CGGBP1: variants seen among roughly 807,000 people sequenced by gnomAD.
The protein encoded by CGGBP1 is CGG triplet repeat binding protein 1, also known as CGG triplet repeat-binding protein 1.
In CGGBP1, 4 loss-of-function variants were observed where a neutral mutation model predicts 11.4. The ratio of observed to expected loss-of-function variants is 0.35; its 90% CI spans 0.17 to 0.80. CGGBP1 has a LOEUF of 0.80. CGGBP1 is among the 30% of genes least tolerant of loss of function. CGGBP1 has a pLI of 0.52. For synonymous variants in CGGBP1, 76 were observed against 74.1 expected (o/e 1.03, Z -0.13); for missense variants, 135 against 202.1 (o/e 0.67, Z 2.01).
At chr3:88,147,696 G>A (rs533844294) in intron 1 of CGGBP1, among the ~76,000 whole-genome samples, 1 of 152,228 alleles carries the variant, frequency 6.6e-6, no homozygotes, top group East Asian at 1.9e-4. Context: ...TTACTGTATT[G>A]GACAGCAAAA....
chr3:88,128,891 A>C, intron 2 of CGGBP1: 1 of 1,535,716 alleles, frequency 6.5e-7, no homozygotes, highest in Non-Finnish European at 8.7e-7. Flanking sequence ...GCATACCCGA[A>C]GCAATGGCTC....
intron 2 of CGGBP1, among the ~76,000 whole-genome samples, chr3:88,125,457 T>G (rs1576329834): frequency 6.6e-6 from 1 of 152,326 alleles, no homozygotes; most frequent in East Asian, 1.9e-4. Flanking sequence ...AGAAAATGTA[T>G]GGACAAATTC....
intron 1 of CGGBP1, among the ~76,000 whole-genome samples, chr3:88,145,789 A>G (rs1021191382): frequency 7.9e-5 from 12 of 152,176 alleles, no homozygotes; most frequent in African/African-American, 2.9e-4. Flanking sequence ...GGGGGAAGAA[A>G]TGGCTTGTTT....
chr3:88,106,606 G>GTGC (rs1223861950), intron 2 of CGGBP1, among the ~76,000 whole-genome samples: 1 of 152,186 alleles, frequency 6.6e-6, no homozygotes, highest in Non-Finnish European at 1.5e-5. Flanking sequence ...GCCTCCCAGA[G>GTGC]TGCTGGGATT....
chr3:88,069,449 T>C lies in CGGBP1; in HGVS notation c.-228-11226A>G, dbSNP rs1409374692. Among the ~76,000 whole-genome samples, 3 of 152,158 alleles carry C rather than the reference T, an allele frequency of 2.0e-5. No individual in the cohort carries two copies. In the South Asian group the frequency reaches 6.2e-4, roughly 31 times the overall value. On this transcript the variant is annotated intron_variant, in intron 2 of 3. Transcript: ENST00000462901. ...AAAAAAAGAAAGTGATTCTCAACTC[T>C]TAGTCCACCCCCCAACCCACTTGAA...
chr3:88,093,098 A>T (rs1576256402), intron 2 of CGGBP1, among the ~76,000 whole-genome samples: 1 of 152,358 alleles, frequency 6.6e-6, no homozygotes, highest in East Asian at 1.9e-4. Flanking sequence ...TGCTTTGTGC[A>T]TATGGACCTC....
chr3:88,078,065 A>G (rs1576219182), intron 2 of CGGBP1, among the ~76,000 whole-genome samples: 1 of 152,222 alleles, frequency 6.6e-6, no homozygotes, highest in African/African-American at 2.4e-5. Context: ...TGGAATCCCT[A>G]TATTAGCAAG....
At chr3:88,123,472 G>A (rs1268875057) in intron 2 of CGGBP1, among the ~76,000 whole-genome samples, 2 of 152,158 alleles carry the variant, frequency 1.3e-5, no homozygotes, top group Non-Finnish European at 2.9e-5. Context: ...CACTAAGTGT[G>A]GGAGGTGTAA....
intron 2 of CGGBP1, among the ~76,000 whole-genome samples, chr3:88,128,316 A>G (rs1706242445): frequency 1.3e-5 from 2 of 152,124 alleles, no homozygotes; most frequent in African/African-American, 4.8e-5. Flanking sequence ...TTTAAATAAA[A>G]TATATTTTTC....
intron 2 of CGGBP1, among the ~76,000 whole-genome samples, chr3:88,136,936 A>G (rs1013860470): frequency 3.9e-5 from 6 of 152,066 alleles, no homozygotes; most frequent in Non-Finnish European, 8.8e-5. Context: ...GGCTTACACC[A>G]GTAATCCCAG....
chr3:88,116,191 CAG>C (rs1242563309), intron 2 of CGGBP1, among the ~76,000 whole-genome samples: 1 of 152,008 alleles, frequency 6.6e-6, no homozygotes, highest in African/African-American at 2.4e-5. Context: ...GCCTAAAGGA[CAG>C]AAATCCTGAG....
At chr3:88,103,918 C>A (rs538514367) in intron 2 of CGGBP1, among the ~76,000 whole-genome samples, 1 of 151,924 alleles carries the variant, frequency 6.6e-6, no homozygotes, top group South Asian at 2.1e-4. Flanking sequence ...AGGTGCCCGC[C>A]CCTATGCCTG....
chr3:88,109,192 C>T (rs555233226), intron 2 of CGGBP1, among the ~76,000 whole-genome samples: 1 of 129,788 alleles, frequency 7.7e-6, no homozygotes, highest in African/African-American at 2.7e-5. Context: ...TGAAGAAAAC[C>T]GTTAACTTTT....
chr3:88,135,122 G>A, intron 2 of CGGBP1: 2 of 1,482,188 alleles, frequency 1.3e-6, no homozygotes, highest in South Asian at 1.4e-5. Context: ...ACAAGTTTTT[G>A]TAGATCAATG....
intron 2 of CGGBP1, among the ~76,000 whole-genome samples, chr3:88,117,658 A>G (rs1487514211): frequency 6.6e-6 from 1 of 152,218 alleles, no homozygotes; most frequent in African/African-American, 2.4e-5. Flanking sequence ...AGAATCCATT[A>G]ATGTCTAATG....
At chr3:88,066,438 G>A (rs1227082023) in intron 2 of CGGBP1, among the ~76,000 whole-genome samples, 3 of 152,104 alleles carry the variant, frequency 2.0e-5, no homozygotes, top group Non-Finnish European at 4.4e-5. Flanking sequence ...GCTGGGTGTG[G>A]TGGCACACAC....
intron 2 of CGGBP1, among the ~76,000 whole-genome samples, chr3:88,122,132 A>G (rs1252100982): frequency 3.9e-5 from 6 of 152,292 alleles, no homozygotes; most frequent in Middle Eastern, 3.4e-3. Context: ...TAAGGTAGCT[A>G]GTAGAAGCTT....
chr3:88,058,311 C>T (rs1485760525), intron 1 of CGGBP1, 88 bp from the exon 2 acceptor site: 1 of 152,262 alleles, frequency 6.6e-6, no homozygotes, highest in African/African-American at 2.4e-5. Flanking sequence ...CAACAACTGC[C>T]ACCACGCAGG....
upstream of CGGBP1, among the ~76,000 whole-genome samples, chr3:88,061,229 A>G (rs1706863680): frequency 6.6e-6 from 1 of 152,126 alleles, no homozygotes; most frequent in Non-Finnish European, 1.5e-5. Flanking sequence ...AAATCTATTT[A>G]ATTTGTTTGT....
Sources: allele counts gnomAD v4.1 joint callset (sites outside exome capture counted in the v4.1 genomes callset), GRCh38; gene constraint gnomAD v4.1.1; transcripts MANE v1.5; gene names NCBI Gene and HGNC (gene_info 2026-07-23, HGNC 2026-07-21).